The following ZFYVE16 variants were observed in gnomAD, a reference collection of about 807,000 sequenced individuals.
ZFYVE16 encodes zinc finger FYVE-type containing 16, also known as zinc finger FYVE domain-containing protein 16.
In ZFYVE16, 89 loss-of-function variants were observed where a neutral mutation model predicts 138.1. That is an observed-to-expected ratio of 0.64 (90% CI 0.54 to 0.77). The LOEUF (loss-of-function observed/expected upper bound fraction) is 0.77. Among genes scored for constraint, ZFYVE16 ranks in the 30% least tolerant of loss-of-function variants. ZFYVE16 has a pLI of 0.00. For missense variants in ZFYVE16, 1,793 were observed against 1,786.7 expected (o/e 1.00, Z -0.06); for synonymous variants, 596 against 618.3 (o/e 0.96, Z 0.53).
At position 80,448,151 on chromosome 5, in the gene ZFYVE16, G is replaced by T. The variant is rs1483636133; in HGVS notation, c.2850G>T (p.Leu950Phe). The T allele has an allele frequency of 6.2e-7, 1 of 1,613,952 alleles. No individual in the cohort carries two copies. The highest frequency in any genetic ancestry group is 1.1e-5 in the South Asian group (1 of 91,066). ...PISQVPSVEK[L>F]SMNTGNEGLP... ...CTCAGGTTCCATCAGTGGAAAAATT[G>T]TCTATGAACACAGGAAATGAGGGGT... The change falls in exon 8 of 19, where the codon TTG (leucine) becomes TTT (phenylalanine). Residue 950 changes from leucine (L) to phenylalanine (F), a missense_variant. Leu to Phe is a conservative substitution (Grantham distance 22). Around this residue, in one of 2 missense-constraint regions of ZFYVE16, gnomAD observed 1,295 missense variants for 1,204.3 expected, o/e 1.08. Transcript: ENST00000505560.
At chr5:80,432,087 T>G (rs968834229) in intron 2 of ZFYVE16, among the ~76,000 whole-genome samples, 1 of 152,134 alleles carries the variant, frequency 6.6e-6, no homozygotes, top group Non-Finnish European at 1.5e-5. Context: ...AAAACTACTT[T>G]AAAGTTCATA....
At chr5:80,420,900 A>G (rs1456584819) in intron 1 of ZFYVE16, among the ~76,000 whole-genome samples, 6 of 152,182 alleles carry the variant, frequency 3.9e-5, no homozygotes, top group Admixed American at 3.9e-4. Flanking sequence ...GAACTAGTTT[A>G]CAGTCCCACC....
At position 80,456,054 on chromosome 5, in the gene ZFYVE16, T is replaced by C. The variant is rs555633566; in HGVS notation, c.3690+280T>C. ...ATATTTAGGTAATGTAAGAACTCTATACAGACCTCTTAAAGTTGTTGAAAC... is the reference window on the plus strand; with the variant it reads ...ATATTTAGGTAATGTAAGAACTCTACACAGACCTCTTAAAGTTGTTGAAAC... On this transcript the variant is annotated intron_variant, in intron 12 of 18. Coordinates refer to ENST00000505560, the MANE Select transcript of ZFYVE16 (RefSeq NM_001284236.3). The C allele has an allele frequency of 2.5e-5, 9 of 362,084 alleles. No individual in the cohort carries two copies. In the East Asian group the frequency reaches 5.1e-4, roughly 20 times the overall value. The allele number at this position is 362,084 out of a possible 1,614,324, so 22.4% of individuals were successfully genotyped here.
chr5:80,431,179 A>G (rs1489169685), intron 2 of ZFYVE16, among the ~76,000 whole-genome samples: 1 of 152,242 alleles, frequency 6.6e-6, no homozygotes, highest in African/African-American at 2.4e-5. Context: ...CATTGCTGCA[A>G]AAATCCTCAA....
chr5:80,475,699 G>A (rs1388943761), intron 18 of ZFYVE16, among the ~76,000 whole-genome samples: 2 of 152,062 alleles, frequency 1.3e-5, no homozygotes, highest in Non-Finnish European at 2.9e-5. Flanking sequence ...CAGCGGCATA[G>A]TAGTTGATTA....
intron 18 of ZFYVE16, among the ~76,000 whole-genome samples, chr5:80,476,996 A>G (rs983800669): frequency 2.0e-4 from 31 of 152,320 alleles, no homozygotes; most frequent in African/African-American, 7.2e-4. Context: ...AAAGTATGAC[A>G]TAGTGGCAAT....
At chr5:80,430,859 G>T (rs1418046693) in intron 2 of ZFYVE16, among the ~76,000 whole-genome samples, 2 of 152,152 alleles carry the variant, frequency 1.3e-5, no homozygotes, top group Non-Finnish European at 2.9e-5. Context: ...TAAATTGCTG[G>T]ACATATACAC....
At chr5:80,420,957 G>A (rs1363380147) in intron 1 of ZFYVE16, among the ~76,000 whole-genome samples, 1 of 152,184 alleles carries the variant, frequency 6.6e-6, no homozygotes, top group Non-Finnish European at 1.5e-5. Flanking sequence ...TCCAGCACCT[G>A]TTGTTTCCTG....
intron 12 of ZFYVE16, 171 bp from the exon 13 acceptor site, chr5:80,456,290 T>G: frequency 2.0e-6 from 1 of 509,844 alleles, no homozygotes; most frequent in Non-Finnish European, 3.5e-6. Context: ...TTGAAGACCT[T>G]TTCTATTTTG....
chr5:80,476,984 G>C (rs1388702606), intron 18 of ZFYVE16, among the ~76,000 whole-genome samples: 4 of 152,022 alleles, frequency 2.6e-5, no homozygotes, highest in Non-Finnish European at 4.4e-5. Flanking sequence ...TAGAGGAAAC[G>C]TAAAGTATGA....
intron 14 of ZFYVE16, 21 bp downstream of exon 14, chr5:80,457,113 T>A: frequency 6.2e-7 from 1 of 1,604,488 alleles, no homozygotes. Context: ...TGGTTCCTAG[T>A]GCTAATTTAC....
In ZFYVE16 at chr5:80,438,235, A is replaced by G. The variant is rs770664822; in HGVS notation, c.1550A>G (p.Asn517Ser). Reference protein sequence around the residue: ...DMDGQDLDYFNIDEGAKSGPL... With the variant: ...DMDGQDLDYFSIDEGAKSGPL... ...GATGGGCAAGACTTAGATTACTTTA[A>G]TATTGATGAAGGCGCAAAAAGTGGC... Residue 517 changes from asparagine (N) to serine (S), a missense_variant, in exon 4 of 19, where the codon AAT becomes AGT. This residue lies in a region of ZFYVE16 where 1,295 missense variants were observed against 1,204.3 expected (regional missense o/e 1.08). Transcript: ENST00000505560. 1 of 1,614,052 alleles carries G rather than the reference A, an allele frequency of 6.2e-7. No homozygotes were observed. Among genetic ancestry groups the G allele is most frequent in the Non-Finnish European group, 8.5e-7 (1 of 1,179,960 alleles).
intron 1 of ZFYVE16, among the ~76,000 whole-genome samples, chr5:80,425,161 T>C (rs142472838): frequency 3.7e-4 from 56 of 152,356 alleles, no homozygotes; most frequent in Non-Finnish European, 5.9e-4. Flanking sequence ...CTTTTCTCCT[T>C]AGAGTACTCC....
Position 80,437,250 on chromosome 5 carries a change from C to T in ZFYVE16, c.565C>T (p.Gln189Ter). ...TGATAGTGATACTGTCAGAGAACAA[C>T]AGAATGATATCAGTTCTGAATTACA... Reference protein sequence around the residue: ...DHDSDTVREQQNDISSELQNR... With the variant: ...DHDSDTVREQ The change falls in exon 4 of 19, where the codon CAG becomes TAG. Residue 189 changes from glutamine (Q) to a stop codon, truncating the protein, a stop_gained. Transcript: ENST00000505560. LOFTEE classifies it high-confidence loss of function. 6.2e-7 allele frequency: 1 copy of T among 1,613,676 alleles called. No individual in the cohort carries two copies. Among genetic ancestry groups the T allele is most frequent in the East Asian group, 2.2e-5 (1 of 44,852 alleles).
intron 15 of ZFYVE16, among the ~76,000 whole-genome samples, chr5:80,471,130 T>C (rs955789998): frequency 6.6e-6 from 1 of 152,098 alleles, no homozygotes; most frequent in African/African-American, 2.4e-5. Flanking sequence ...AACGGATGCA[T>C]GGGGGGTGCC....
intron 15 of ZFYVE16, among the ~76,000 whole-genome samples, chr5:80,469,584 G>A (rs1339453519): frequency 6.6e-6 from 1 of 152,002 alleles, no homozygotes; most frequent in East Asian, 1.9e-4. Context: ...TTCAGTTTTT[G>A]TCAGCTTAAT....
In ZFYVE16 at chr5:80,451,647, A is replaced by G; in HGVS notation, c.3545A>G (p.Glu1182Gly). 1 of 1,613,958 alleles carries G rather than the reference A, an allele frequency of 6.2e-7. No homozygotes were observed. Among genetic ancestry groups the G allele is most frequent in the Non-Finnish European group, 8.5e-7 (1 of 1,179,932 alleles). Reference sequence around the variant, plus strand: ...TGTGGAATTCTTATCCAGAAGCTTGAGATTCCCTGGGCAAAGGTTTTTCCT... The same window carrying G: ...TGTGGAATTCTTATCCAGAAGCTTGGGATTCCCTGGGCAAAGGTTTTTCCT... ...FLCGILIQKL[E>G]IPWAKVFPMR... Residue 1182 changes from glutamate to glycine, a missense_variant, in exon 11 of 19, where the codon GAG (glutamate) becomes GGG (glycine). By Grantham distance (98) the Glu-to-Gly change is moderately conservative. Coordinates refer to ENST00000505560, the MANE Select transcript of ZFYVE16 (RefSeq NM_001284236.3).
In ZFYVE16 at chr5:80,437,093, A is replaced by C; in HGVS notation, c.408A>C (p.Leu136Phe). 1 of 1,614,142 alleles carries C rather than the reference A, an allele frequency of 6.2e-7. No individual in the cohort carries two copies. Among genetic ancestry groups the C allele is most frequent in the Non-Finnish European group, 8.5e-7 (1 of 1,179,996 alleles). ...ATCTGATAAGTGACATGGGTAACTT[A>C]GTTCATGCAACCAATAGTGAAGAAG... Reference protein sequence around the residue: ...ICDLISDMGNLVHATNSEEDI... With the variant: ...ICDLISDMGNFVHATNSEEDI... Residue 136 changes from leucine (L) to phenylalanine (F), a missense_variant, in exon 4 of 19, where the codon TTA (leucine) becomes TTC (phenylalanine). Leu to Phe is a conservative substitution (Grantham distance 22). Coordinates refer to ENST00000505560, the MANE Select transcript of ZFYVE16 (RefSeq NM_001284236.3).
intron 1 of ZFYVE16, among the ~76,000 whole-genome samples, chr5:80,426,272 G>GTGTGTA (rs1370196862): frequency 0.011 from 293 of 26,416 alleles, no homozygotes; most frequent in African/African-American, 0.016. Context: ...GTGTGTGTGT[G>GTGTGTA]TATATATATA....
Sources: allele counts gnomAD v4.1 joint callset (sites outside exome capture counted in the v4.1 genomes callset), GRCh38; gene constraint gnomAD v4.1.1; regional missense constraint gnomAD v4.1.1; transcripts MANE v1.5; gene names NCBI Gene and HGNC (gene_info 2026-07-23, HGNC 2026-07-21).